The following INTS2 variants were observed in gnomAD, a reference collection of about 807,000 sequenced individuals.
INTS2 encodes integrator complex subunit 2, also known as KIAA1287.
Under a neutral mutation model 139.6 loss-of-function variants are expected in INTS2, and 57 were observed. The ratio of observed to expected loss-of-function variants is 0.41; its 90% CI spans 0.33 to 0.51. The LOEUF (loss-of-function observed/expected upper bound fraction) is 0.51. Ranked by LOEUF, INTS2 falls within the 20% of genes least tolerant of loss-of-function variation. INTS2 has a pLI of 0.28. For synonymous variants in INTS2, 473 were observed against 493.4 expected (o/e 0.96, Z 0.55); for missense variants, 1,196 against 1,436.7 (o/e 0.83, Z 2.71).
chr17:61,899,590 T>C (rs2079384107), intron 9 of INTS2, among the ~76,000 whole-genome samples: 1 of 151,938 alleles, frequency 6.6e-6, no homozygotes. Flanking sequence ...TAAACATTAG[T>C]TTTTCTATCT....
intron 1 of INTS2, 47 bp from the exon 2 acceptor site, chr17:61,926,709 T>C (rs965599868): frequency 2.1e-6 from 3 of 1,443,884 alleles, no homozygotes; most frequent in African/African-American, 1.4e-5. Flanking sequence ...CTTTCACATG[T>C]ATGAACACCC....
At chr17:61,894,709 G>A (rs996065781) in intron 12 of INTS2, among the ~76,000 whole-genome samples, 18 of 151,994 alleles carry the variant, frequency 1.2e-4, no homozygotes, top group African/African-American at 3.9e-4. Context: ...AAAATTAGGC[G>A]TGGTGGTGTG....
rs1741949882 is a variant in INTS2, at chr17:61,901,664, A to G, written c.1307+2796T>C. Among the ~76,000 whole-genome samples, 4 of 130,876 alleles carry G rather than the reference A, an allele frequency of 3.1e-5. No individual in the cohort carries two copies. The South Asian group carries it at 9.0e-4, about 30-fold the overall frequency. 85.9% of individuals were successfully genotyped at this position (130,876 alleles called of 152,430 possible). The stretch of plus-strand genomic sequence containing the variant: ...GCCCAGGCTGGAGTGCAGTGGCGCA[A>G]TCTCGGCTCACTGCAAGCTCTGCCT... On this transcript the variant is annotated intron_variant, in intron 9 of 24. Coordinates refer to ENST00000251334, the MANE Select transcript of INTS2 (RefSeq NM_001351695.2).
At chr17:61,887,062 T>C (rs551989625) in intron 15 of INTS2, among the ~76,000 whole-genome samples, 3 of 152,338 alleles carry the variant, frequency 2.0e-5, no homozygotes, top group East Asian at 1.9e-4. Context: ...CCAATACTTA[T>C]TACAATACTT....
At chr17:61,914,050 T>C (rs376152156) in intron 5 of INTS2, among the ~76,000 whole-genome samples, 237 of 151,882 alleles carry the variant, frequency 1.6e-3, no homozygotes, top group Non-Finnish European at 2.5e-3. Context: ...TTAAATGGTC[T>C]ATGTATACAG....
At position 61,907,586 on chromosome 17, in the gene INTS2, G is replaced by T; in HGVS notation, c.1003C>A (p.Leu335Ile). Residue 335 changes from leucine to isoleucine, a missense_variant, in exon 8 of 25, where the codon CTT (leucine) becomes ATT (isoleucine). Transcript: ENST00000251334. ...AGAATGCCCATCAACTCCAGAAGAA[G>T]CTGCCTTCTCATCTGCCAAAGGACA... ...SSVLWQMRRQLLLELMGILPT... is the reference protein window; with the variant it reads ...SSVLWQMRRQILLELMGILPT... The T allele has an allele frequency of 6.3e-7, 1 of 1,592,666 alleles. No individual in the cohort carries two copies. Among genetic ancestry groups the T allele is most frequent in the Non-Finnish European group, 8.6e-7 (1 of 1,168,842 alleles).
At chr17:61,879,943 T>C (rs2079162927) in intron 17 of INTS2, among the ~76,000 whole-genome samples, 1 of 152,234 alleles carries the variant, frequency 6.6e-6, no homozygotes, top group Admixed American at 6.5e-5. Flanking sequence ...TTTATAGGTG[T>C]TACAGCTCAC....
chr17:61,904,996 G>A (rs1335571907), intron 8 of INTS2, among the ~76,000 whole-genome samples: 2 of 150,870 alleles, frequency 1.3e-5, no homozygotes, highest in African/African-American at 2.4e-5. Flanking sequence ...GCCCAGGCTG[G>A]AGTGTAGTGG....
chr17:61,921,701 C>A, intron 4 of INTS2, 24 bp downstream of exon 4: 2 of 1,158,628 alleles, frequency 1.7e-6, no homozygotes, highest in Non-Finnish European at 2.5e-6. Context: ...TATATGAAAT[C>A]CATCTTAGCA....
chr17:61,909,823 A>ATGTG lies in INTS2; in HGVS notation c.954+1693_954+1696dup, dbSNP rs78460850. ...TATACGTGTGTGTGTACATGTGTGT[A>ATGTG]TGTGTGTGTGTGTGTGTGTGTGTGT... On this transcript the variant is annotated intron_variant, in intron 7 of 24. Transcript: ENST00000251334. The surrounding 1 kb of genome is among the most constrained non-coding windows in gnomAD (Gnocchi z 4.9). 2.1e-3 allele frequency among the ~76,000 whole-genome samples: 298 copies of ATGTG among 138,884 alleles called. 2 individuals are homozygous for ATGTG. The highest frequency in any genetic ancestry group is 5.7e-3 in the African/African-American group (222 of 38,626). The allele number at this position is 138,884 out of a possible 152,430, so 91.1% of individuals were successfully genotyped here.
intron 9 of INTS2, among the ~76,000 whole-genome samples, chr17:61,902,157 T>G (rs1242454597): frequency 6.6e-6 from 1 of 152,136 alleles, no homozygotes; most frequent in Non-Finnish European, 1.5e-5. Context: ...ACTCGTAGGA[T>G]TAGTTTTTTA....
chr17:61,922,511 C>CATATATATATATAT (rs60100593), intron 3 of INTS2, among the ~76,000 whole-genome samples: 1,225 of 72,634 alleles, frequency 0.017, 59 homozygotes, highest in Non-Finnish European at 0.023. Flanking sequence ...AACAAACAAA[C>CATATATATATATAT]ATATATATAT....
rs1325942282 is a variant in INTS2 at position 61,897,631 on chromosome 17, A to G, written c.1379+37T>C. 6.3e-7 allele frequency: 1 copy of G among 1,584,886 alleles called. No individual in the cohort carries two copies. On this transcript the variant is annotated intron_variant, in intron 10 of 24. Transcript: ENST00000251334. The surrounding 1 kb of genome is among the most constrained non-coding windows in gnomAD (Gnocchi z 4.4). ...ATGAATTTTCCAAAGAGAGAAGAAGAAAAGCTTTCTCAACTAACTAAATCA... is the reference window on the plus strand; with the variant it reads ...ATGAATTTTCCAAAGAGAGAAGAAGGAAAGCTTTCTCAACTAACTAAATCA...
At position 61,865,707 on chromosome 17, in the gene INTS2, TA is replaced by T. The variant is rs74383027; in HGVS notation, c.*1849del. 2.1e-4 allele frequency: 31 copies of T among 148,716 alleles called. No individual in the cohort carries two copies. The highest frequency in any genetic ancestry group is 5.4e-4 in the Admixed American group (8 of 14,916). 9.2% of individuals were successfully genotyped at this position (148,716 alleles called of 1,614,324 possible). ...CACAAAATATCGCAAGGCCTCAGTT[TA>T]AAAAAAAAAGGAGCAGTTGTATTTA... On this transcript the variant is annotated 3_prime_UTR_variant, in exon 25 of 25. Coordinates refer to ENST00000251334, the MANE Select transcript of INTS2 (RefSeq NM_001351695.2). The surrounding 1 kb of genome is among the most constrained non-coding windows in gnomAD (Gnocchi z 4.8).
intron 4 of INTS2, among the ~76,000 whole-genome samples, chr17:61,920,180 C>CTTTTTTTTTTTTTTT (rs772038233): frequency 8.4e-6 from 1 of 119,158 alleles, no homozygotes; most frequent in African/African-American, 3.1e-5. Context: ...ATCTTATTTG[C>CTTTTTTTTTTTTTTT]TTTTTTTTTT....
chr17:61,881,209 C>T, intron 16 of INTS2, 38 bp from the exon 17 acceptor site: 7 of 1,539,444 alleles, frequency 4.5e-6, no homozygotes, highest in Non-Finnish European at 6.2e-6. Context: ...ATTCTTCATG[C>T]TCAAACACCA....
intron 9 of INTS2, among the ~76,000 whole-genome samples, chr17:61,899,860 C>A (rs1039015108): frequency 2.6e-5 from 4 of 151,304 alleles, no homozygotes; most frequent in African/African-American, 9.7e-5. Context: ...TGCAGCGAGC[C>A]CTGATCGTGC....
chr17:61,919,942 A>G (rs1323593239), intron 4 of INTS2, among the ~76,000 whole-genome samples: 1 of 152,114 alleles, frequency 6.6e-6, no homozygotes, highest in Non-Finnish European at 1.5e-5. Context: ...CATTTCACAA[A>G]TGTCATCTAA....
rs2079059736 is a variant in INTS2, at chr17:61,867,973, G to A, written c.3281C>T (p.Pro1094Leu). The A allele has an allele frequency of 3.1e-6, 5 of 1,604,294 alleles. No homozygotes were observed. The highest frequency in any genetic ancestry group is 4.2e-6 in the Non-Finnish European group (5 of 1,177,152). ...AAAAGAGACCAAACTTGGCAGAGTT[G>A]GCATAAAAAAAGCATACCGCTTAGC... ...TQAKRYAFFM[P>L]TLPSLVSFCR... Residue 1094 changes from proline (P) to leucine (L), a missense_variant, in exon 24 of 25, where the codon CCA (proline) becomes CTA (leucine). By Grantham distance (98) the Pro-to-Leu change is moderately conservative (BLOSUM62 -3). This residue lies in a region of INTS2 where 1,129 missense variants were observed against 1,341.9 expected (regional missense o/e 0.84). Coordinates refer to ENST00000251334, the MANE Select transcript of INTS2 (RefSeq NM_001351695.2). This position sits in a 1 kb window ranked among gnomAD's most constrained non-coding sequence, Gnocchi z 5.6.
Sources: allele counts gnomAD v4.1 joint callset (sites outside exome capture counted in the v4.1 genomes callset), GRCh38; gene constraint gnomAD v4.1.1; regional missense constraint gnomAD v4.1.1; non-coding constraint Gnocchi (gnomAD v3.1); transcripts MANE v1.5; gene names NCBI Gene and HGNC (gene_info 2026-07-23, HGNC 2026-07-21).